Variants in FAM169A observed in about 807,000 individuals in gnomAD.
The protein encoded by FAM169A is family with sequence similarity 169 member A, also known as soluble lamin-associated protein of 75 kDa.
In FAM169A, 24 loss-of-function variants were observed where a neutral mutation model predicts 75.7. The observed-to-expected ratio is 0.32, with a 90% CI of 0.23 to 0.45. The LOEUF (loss-of-function observed/expected upper bound fraction) is 0.45. Among genes scored for constraint, FAM169A ranks in the 20% least tolerant of loss-of-function variants. FAM169A has a pLI of 1.00. For missense variants in FAM169A, 673 were observed against 784.0 expected (o/e 0.86, Z 1.69); for synonymous variants, 271 against 271.0 (o/e 1.00, Z 0.00).
chr5:74,830,406 G>A lies in FAM169A; in HGVS notation c.490+4020C>T, dbSNP rs189418684. ...TAATGAAAACCAAACTTGATAAGTAGAGGGACTGTTAACTATGGATCCTGT... is the reference window on the plus strand; with the variant it reads ...TAATGAAAACCAAACTTGATAAGTAAAGGGACTGTTAACTATGGATCCTGT... On this transcript the variant is annotated intron_variant, in intron 5 of 12. Transcript: ENST00000687041. 2.0e-3 allele frequency among the ~76,000 whole-genome samples: 308 copies of A among 152,272 alleles called. 1 individual carries two copies. The highest frequency in any genetic ancestry group is 6.8e-3 in the Middle Eastern group (2 of 292).
intron 1 of FAM169A, among the ~76,000 whole-genome samples, chr5:74,861,337 T>A (rs1032061032): frequency 6.6e-6 from 1 of 152,178 alleles, no homozygotes; most frequent in Admixed American, 6.5e-5. Context: ...CACTGGTAGC[T>A]CCCAAATCTC....
At chr5:74,837,312 A>G (rs532076777) in intron 4 of FAM169A, among the ~76,000 whole-genome samples, 4 of 152,292 alleles carry the variant, frequency 2.6e-5, no homozygotes, top group African/African-American at 9.6e-5. Flanking sequence ...ATGCAGGGAT[A>G]TAATTCCCTC....
At chr5:74,814,893 CAAATA>C (rs1293289106) in intron 5 of FAM169A, among the ~76,000 whole-genome samples, 1 of 152,070 alleles carries the variant, frequency 6.6e-6, no homozygotes, top group Non-Finnish European at 1.5e-5. Flanking sequence ...ATTTTTGCCT[CAAATA>C]AAATAATCTT....
chr5:74,853,289 G>A (rs1051954424), intron 1 of FAM169A, among the ~76,000 whole-genome samples: 1 of 152,174 alleles, frequency 6.6e-6, no homozygotes, highest in Non-Finnish European at 1.5e-5. Flanking sequence ...ATAATAACAA[G>A]AGAACCACCA....
At chr5:74,829,152 T>C (rs1397129802) in intron 5 of FAM169A, among the ~76,000 whole-genome samples, 1 of 152,236 alleles carries the variant, frequency 6.6e-6, no homozygotes, top group Admixed American at 6.5e-5. Flanking sequence ...CGCTCCCTTC[T>C]GTGTCATAAA....
chr5:74,796,552 C>T (rs1746288242), intron 10 of FAM169A, among the ~76,000 whole-genome samples: 1 of 152,080 alleles, frequency 6.6e-6, no homozygotes, highest in African/African-American at 2.4e-5. Flanking sequence ...CTACAGGCAC[C>T]TGCCATCACG....
At chr5:74,842,480 T>C (rs1042047028) in intron 1 of FAM169A, among the ~76,000 whole-genome samples, 1 of 111,330 alleles carries the variant, frequency 9.0e-6, no homozygotes, top group Non-Finnish European at 1.8e-5. Flanking sequence ...CGGTTTGCAA[T>C]AGATGAATAT....
At chr5:74,840,027 GT>G (rs1303591679) in intron 3 of FAM169A, 46 bp downstream of exon 3, 1 of 994,828 alleles carries the variant, frequency 1.0e-6, no homozygotes, top group Non-Finnish European at 1.5e-6. Flanking sequence ...ATTTCTAACA[GT>G]TTGGAGAAAA....
intron 5 of FAM169A, among the ~76,000 whole-genome samples, chr5:74,830,345 T>C (rs989494268): frequency 6.6e-6 from 1 of 152,220 alleles, no homozygotes; most frequent in Non-Finnish European, 1.5e-5. Flanking sequence ...TTACTAGTCA[T>C]GATCTGTTGC....
At position 74,846,597 on chromosome 5, in the gene FAM169A, T is replaced by C. The variant is rs1580160229; in HGVS notation, c.-3-4918A>G. 4.6e-5 allele frequency among the ~76,000 whole-genome samples: 7 copies of C among 152,204 alleles called. No homozygotes were observed. The South Asian group carries it at 1.2e-3, about 27-fold the overall frequency. The stretch of plus-strand genomic sequence containing the variant: ...GGAGAAAATTCTATTAAATAAGCAA[T>C]AGGTCATCTAAATAAAGAATCCAAA... On this transcript the variant is annotated intron_variant, in intron 1 of 12. Coordinates refer to ENST00000687041, the MANE Select transcript of FAM169A (RefSeq NM_001376049.1).
At chr5:74,862,050 C>T (rs1750063141) in intron 1 of FAM169A, among the ~76,000 whole-genome samples, 2 of 152,218 alleles carry the variant, frequency 1.3e-5, no homozygotes, top group South Asian at 4.1e-4. Flanking sequence ...TACTGCCTTT[C>T]TACTGCAGCA....
chr5:74,841,827 C>G (rs966500058), intron 1 of FAM169A, 148 bp from the exon 2 acceptor site: 3 of 647,330 alleles, frequency 4.6e-6, no homozygotes, highest in African/African-American at 1.8e-5. Context: ...CAACTTGAAC[C>G]TGCTGATTTA....
chr5:74,804,642 C>A, intron 7 of FAM169A, 37 bp from the exon 8 acceptor site: 1 of 1,223,108 alleles, frequency 8.2e-7, no homozygotes, highest in Non-Finnish European at 1.2e-6. Flanking sequence ...GTAACCGAAT[C>A]AGTATTTGGT....
intron 5 of FAM169A, among the ~76,000 whole-genome samples, chr5:74,820,911 CTTACTA>C (rs1747736131): frequency 6.6e-6 from 1 of 152,218 alleles, no homozygotes; most frequent in Non-Finnish European, 1.5e-5. Context: ...CCACACTGCT[CTTACTA>C]TTTCTGAAGT....
upstream of FAM169A, chr5:74,866,965 C>A (rs1436677612): frequency 1.7e-5 from 17 of 984,292 alleles, no homozygotes; most frequent in Non-Finnish European, 2.1e-5. Context: ...CTTTCACAGT[C>A]TACAGAAGTC....
At chr5:74,835,432 T>C (rs2112654357) in intron 4 of FAM169A, among the ~76,000 whole-genome samples, 1 of 151,596 alleles carries the variant, frequency 6.6e-6, no homozygotes, top group Admixed American at 6.6e-5. Context: ...AACCCACCCG[T>C]CTCTACAAAA....
chr5:74,843,015 A>G (rs1748963992), intron 1 of FAM169A, among the ~76,000 whole-genome samples: 1 of 152,148 alleles, frequency 6.6e-6, no homozygotes, highest in African/African-American at 2.4e-5. Context: ...ATTAGCATAC[A>G]TAAAGACACC....
rs559563336 is a variant in FAM169A, at chr5:74,843,192, G to A, written c.-3-1513C>T. On this transcript the variant is annotated intron_variant, in intron 1 of 12. Coordinates refer to ENST00000687041, the MANE Select transcript of FAM169A (RefSeq NM_001376049.1). ...AGAAACAGTACAAAATCTATATAAGGAAAACTACAAAACATTCCTGAAAGT... is the reference window on the plus strand; with the variant it reads ...AGAAACAGTACAAAATCTATATAAGAAAAACTACAAAACATTCCTGAAAGT... 1.1e-3 allele frequency among the ~76,000 whole-genome samples: 171 copies of A among 152,126 alleles called. 1 individual carries two copies. The highest frequency in any genetic ancestry group is 3.4e-3 in the Middle Eastern group (1 of 294).
At position 74,779,469 on chromosome 5, in the gene FAM169A, C is replaced by G. The variant is rs1461152773; in HGVS notation, c.*1991G>C. ...AATCCAAGTAAAAATAAAATATCTACAAGTGTTTTCAAATCTAAGAAATGA... is the reference window on the plus strand; with the variant it reads ...AATCCAAGTAAAAATAAAATATCTAGAAGTGTTTTCAAATCTAAGAAATGA... On this transcript the variant is annotated 3_prime_UTR_variant, in exon 13 of 13. Transcript: ENST00000687041. The G allele has an allele frequency of 6.6e-6, 1 of 152,032 alleles. No individual in the cohort carries two copies. Among genetic ancestry groups the G allele is most frequent in the African/African-American group, 2.4e-5 (1 of 41,412 alleles). The allele number at this position is 152,032 out of a possible 1,614,324, so 9.4% of individuals were successfully genotyped here. A position where few individuals can be genotyped will look rare whatever the true frequency, so the allele number is the denominator to read the frequency against.
Sources: gnomAD v4.1 joint callset for allele counts (sites outside exome capture counted in the v4.1 genomes callset) on GRCh38, gnomAD v4.1.1 for gene constraint, MANE v1.5 for transcripts, NCBI Gene and HGNC (gene_info 2026-07-23, HGNC 2026-07-21) for gene names.